Variants in CNTNAP5 observed in about 807,000 individuals in gnomAD.
CNTNAP5 encodes the protein contactin-associated protein-like 5.
In CNTNAP5, 72 loss-of-function variants were observed where a neutral mutation model predicts 150.2. That is an observed-to-expected ratio of 0.48 (90% CI 0.40 to 0.58). CNTNAP5 has a LOEUF of 0.58. Ranked by LOEUF, CNTNAP5 falls within the 20% of genes least tolerant of loss-of-function variation. CNTNAP5 has a pLI of 0.00. For synonymous variants in CNTNAP5, 672 were observed against 619.8 expected (o/e 1.08, Z -1.25); for missense variants, 1,636 against 1,626.2 (o/e 1.01, Z -0.10).
chr2:124,088,555 T>C (rs1203090599), intron 1 of CNTNAP5, among the ~76,000 whole-genome samples: 1 of 151,316 alleles, frequency 6.6e-6, no homozygotes, highest in Non-Finnish European at 1.5e-5. Context: ...ACTAAATTTA[T>C]TTAAACCTTC....
intron 3 of CNTNAP5, among the ~76,000 whole-genome samples, chr2:124,362,078 G>T (rs890178573): frequency 5.3e-5 from 8 of 152,212 alleles, no homozygotes; most frequent in Middle Eastern, 3.2e-3. Flanking sequence ...TTTTCCCGGT[G>T]CTGTCCGTCA....
intron 16 of CNTNAP5, among the ~76,000 whole-genome samples, chr2:124,771,484 T>C (rs780421692): frequency 6.6e-6 from 1 of 152,204 alleles, no homozygotes; most frequent in Non-Finnish European, 1.5e-5. Flanking sequence ...AAATTATTTA[T>C]ATTTCTGTGC....
chr2:124,760,326 A>T (rs1017210173), intron 14 of CNTNAP5, among the ~76,000 whole-genome samples: 3 of 151,920 alleles, frequency 2.0e-5, no homozygotes, highest in African/African-American at 4.8e-5. Context: ...GGGGAAAAAA[A>T]CCCACTGTAA....
chr2:124,094,902 A>T (rs542498030), intron 1 of CNTNAP5, among the ~76,000 whole-genome samples: 9 of 152,248 alleles, frequency 5.9e-5, no homozygotes, highest in African/African-American at 2.2e-4. Context: ...GGAAAATCAA[A>T]ACACTGGGAG....
chr2:124,410,341 A>G (rs1027781019), intron 3 of CNTNAP5, among the ~76,000 whole-genome samples: 30 of 151,720 alleles, frequency 2.0e-4, no homozygotes, highest in Non-Finnish European at 4.0e-4. Flanking sequence ...GTCAACAAGG[A>G]TACCCAAGAA....
chr2:124,052,114 C>T (rs1681712405), intron 1 of CNTNAP5, among the ~76,000 whole-genome samples: 1 of 152,190 alleles, frequency 6.6e-6, no homozygotes, highest in African/African-American at 2.4e-5. Context: ...TCCTCACATT[C>T]TGTACCTATT....
chr2:124,382,156 G>A (rs1439036337), intron 3 of CNTNAP5, among the ~76,000 whole-genome samples: 1 of 152,176 alleles, frequency 6.6e-6, no homozygotes, highest in African/African-American at 2.4e-5. Flanking sequence ...GGGCAGGAGG[G>A]TTGAGATAAG....
At chr2:124,893,951 A>G (rs1354014821) in intron 21 of CNTNAP5, among the ~76,000 whole-genome samples, 3 of 152,148 alleles carry the variant, frequency 2.0e-5, no homozygotes, top group Non-Finnish European at 4.4e-5. Context: ...TAGACATCAG[A>G]ATATGTATAG....
intron 1 of CNTNAP5, among the ~76,000 whole-genome samples, chr2:124,212,900 G>A (rs919425834): frequency 4.5e-5 from 6 of 134,824 alleles, no homozygotes; most frequent in South Asian, 2.4e-4. Context: ...GTGCAATGGC[G>A]CTATCTCTGC....
intron 1 of CNTNAP5, among the ~76,000 whole-genome samples, chr2:124,214,426 C>T (rs1686104019): frequency 6.6e-6 from 1 of 152,138 alleles, no homozygotes; most frequent in Non-Finnish European, 1.5e-5. Flanking sequence ...TATTGCAGTG[C>T]AGGGAGTGGT....
At chr2:124,439,568 T>C (rs1256059671) in intron 5 of CNTNAP5, among the ~76,000 whole-genome samples, 1 of 152,162 alleles carries the variant, frequency 6.6e-6, no homozygotes, top group Non-Finnish European at 1.5e-5. Flanking sequence ...TTTTAGTCAA[T>C]ACAATCTAGA....
intron 13 of CNTNAP5, among the ~76,000 whole-genome samples, chr2:124,726,271 C>T (rs1052175149): frequency 6.6e-6 from 1 of 152,030 alleles, no homozygotes; most frequent in Non-Finnish European, 1.5e-5. Context: ...AAGTTGTAAT[C>T]CCCGTGTGTC....
In CNTNAP5 at chr2:124,610,821, C is replaced by A. The variant is rs147964377; in HGVS notation, c.1876+901C>A. Among the ~76,000 whole-genome samples the A allele has an allele frequency of 2.8e-3, 429 of 152,048 alleles. 2 individuals carry two copies. Among genetic ancestry groups the A allele is most frequent in the African/African-American group, 9.7e-3 (404 of 41,518 alleles). On this transcript the variant is annotated intron_variant, in intron 12 of 23. Transcript: ENST00000682447. Reference sequence around the variant, plus strand: ...TAAAAATACAAAAATTAGCTGGGTGCGGTGGCATGTGACTAATCCCAACTA... The same window carrying A: ...TAAAAATACAAAAATTAGCTGGGTGAGGTGGCATGTGACTAATCCCAACTA...
chr2:124,390,580 T>C (rs1041331160), intron 3 of CNTNAP5, among the ~76,000 whole-genome samples: 6 of 152,168 alleles, frequency 3.9e-5, no homozygotes, highest in Non-Finnish European at 8.8e-5. Context: ...GTTAATCAAG[T>C]AGACTAAAAC....
intron 4 of CNTNAP5, among the ~76,000 whole-genome samples, chr2:124,423,173 CT>C: frequency 1.3e-5 from 2 of 152,262 alleles, no homozygotes; most frequent in Middle Eastern, 6.8e-3. Context: ...CACCAGTTTC[CT>C]TTTCTATGAA....
rs75910071 is a variant in CNTNAP5, at chr2:124,621,552, T to G, written c.1876+11632T>G. Among the ~76,000 whole-genome samples, 6 of 152,314 alleles carry G rather than the reference T, an allele frequency of 3.9e-5. No homozygotes were observed. The South Asian group carries it at 1.2e-3, about 32-fold the overall frequency. ...TAATGGAGTAGGTAGAAAGCTGCAATTGAGGTCTCTCCAATATTTCTGCAC... is the reference window on the plus strand; with the variant it reads ...TAATGGAGTAGGTAGAAAGCTGCAAGTGAGGTCTCTCCAATATTTCTGCAC... On this transcript the variant is annotated intron_variant, in intron 12 of 23. Transcript: ENST00000682447.
Position 124,439,680 on chromosome 2 carries a change from C to A in CNTNAP5, c.733+4993C>A, listed in dbSNP as rs559780889. On this transcript the variant is annotated intron_variant, in intron 5 of 23. Coordinates refer to ENST00000682447, the MANE Select transcript of CNTNAP5 (RefSeq NM_001367498.1). Reference sequence around the variant, plus strand: ...TCCATTGAATCACATTGCTTCCTGTCCGTTTCTTATTTTCTTCAGGGCTCT... The same window carrying A: ...TCCATTGAATCACATTGCTTCCTGTACGTTTCTTATTTTCTTCAGGGCTCT... Among the ~76,000 whole-genome samples the A allele has an allele frequency of 3.3e-5, 5 of 152,220 alleles. No individual in the cohort carries two copies. In the East Asian group the frequency reaches 9.7e-4, roughly 29 times the overall value.
intron 3 of CNTNAP5, among the ~76,000 whole-genome samples, chr2:124,387,614 A>T (rs1016755693): frequency 1.3e-5 from 2 of 152,110 alleles, no homozygotes; most frequent in Non-Finnish European, 2.9e-5. Context: ...GGTGGGGGAG[A>T]TTACAAAGTA....
At chr2:124,423,165 C>A (rs2104783237) in intron 4 of CNTNAP5, among the ~76,000 whole-genome samples, 1 of 152,228 alleles carries the variant, frequency 6.6e-6, no homozygotes, top group Non-Finnish European at 1.5e-5. Flanking sequence ...TCTGTGGACA[C>A]CAGTTTCCTT....
Sources: gnomAD v4.1 joint callset for allele counts (sites outside exome capture counted in the v4.1 genomes callset) on GRCh38, gnomAD v4.1.1 for gene constraint, MANE v1.5 for transcripts, NCBI Gene and HGNC (gene_info 2026-07-23, HGNC 2026-07-21) for gene names.